Variants in PTPN14 observed in about 807,000 individuals in gnomAD.
PTPN14 encodes tyrosine-protein phosphatase non-receptor type 14.
In PTPN14, 53 loss-of-function variants were observed where a neutral mutation model predicts 126.8. The observed-to-expected ratio is 0.42, with a 90% CI of 0.34 to 0.53. PTPN14 has a LOEUF of 0.53. PTPN14 is among the 20% of genes least tolerant of loss of function. PTPN14 has a pLI of 0.08. For missense variants in PTPN14, 1,257 were observed against 1,552.9 expected (o/e 0.81, Z 3.20); for synonymous variants, 630 against 599.3 (o/e 1.05, Z -0.75).
At chr1:214,469,658 T>C (rs1660710361) in intron 1 of PTPN14, among the ~76,000 whole-genome samples, 1 of 149,942 alleles carries the variant, frequency 6.7e-6, no homozygotes, top group Non-Finnish European at 1.5e-5. Flanking sequence ...ATATTTACTG[T>C]AATTTTTTTT....
chr1:214,544,845 A>G (rs540037043), intron 1 of PTPN14, among the ~76,000 whole-genome samples: 2 of 151,794 alleles, frequency 1.3e-5, no homozygotes, highest in African/African-American at 2.4e-5. Context: ...AGAGGAGGGA[A>G]GAGGAGGTGA....
chr1:214,490,851 A>G (rs1430693392), intron 1 of PTPN14, among the ~76,000 whole-genome samples: 3 of 38,096 alleles, frequency 7.9e-5, no homozygotes, highest in African/African-American at 1.2e-4. Context: ...AAAGGAAAGG[A>G]AGGGAAGGGA....
At chr1:214,395,257 T>C (rs897079249) in intron 8 of PTPN14, among the ~76,000 whole-genome samples, 2 of 152,162 alleles carry the variant, frequency 1.3e-5, no homozygotes, top group Non-Finnish European at 2.9e-5. Flanking sequence ...GCAAGGGACT[T>C]TTACTTCTCC....
chr1:214,438,346 G>T (rs1004549689), intron 3 of PTPN14, among the ~76,000 whole-genome samples: 4 of 152,164 alleles, frequency 2.6e-5, no homozygotes, highest in South Asian at 2.1e-4. Flanking sequence ...GCACCAGGCC[G>T]CGTCCTCTGC....
At position 214,369,690 on chromosome 1, in the gene PTPN14, T is replaced by A. The variant is rs775509122; in HGVS notation, c.3038A>T (p.Glu1013Val). The change falls in exon 17 of 19, where the codon GAG becomes GTG. Residue 1013 changes from glutamate to valine, a missense_variant and splice_region_variant. Glu to Val is a moderately radical substitution (Grantham distance 121). Transcript: ENST00000366956. ...NVIAMVTAEEEGGRTKSHRYW... is the reference protein window; with the variant it reads ...NVIAMVTAEEVGGRTKSHRYW... ...TCGGTGGCTTTTGGTTCGTCCACCC[T>A]CCTAAATCACATATAAAAGCAAAAT... 6.2e-7 allele frequency: 1 copy of A among 1,613,448 alleles called. No individual in the cohort carries two copies. Among genetic ancestry groups the A allele is most frequent in the South Asian group, 1.1e-5 (1 of 91,066 alleles).
intron 1 of PTPN14, among the ~76,000 whole-genome samples, chr1:214,499,480 C>T (rs556574587): frequency 6.6e-6 from 1 of 152,156 alleles, no homozygotes; most frequent in South Asian, 2.1e-4. Context: ...AGGAGGCTGC[C>T]GAGCAGGAGT....
chr1:214,489,209 A>T (rs990740347), intron 1 of PTPN14, among the ~76,000 whole-genome samples: 9 of 152,208 alleles, frequency 5.9e-5, no homozygotes, highest in Non-Finnish European at 1.2e-4. Flanking sequence ...TTTGGCCCTC[A>T]TAACAGTACT....
chr1:214,523,210 G>A (rs188171299), intron 1 of PTPN14, among the ~76,000 whole-genome samples: 15 of 152,128 alleles, frequency 9.9e-5, no homozygotes, highest in African/African-American at 1.4e-4. Context: ...ACAGTCTCTC[G>A]CAGAAACACA....
intron 3 of PTPN14, among the ~76,000 whole-genome samples, chr1:214,423,267 C>A (rs1029266657): frequency 1.3e-5 from 2 of 152,110 alleles, no homozygotes; most frequent in East Asian, 1.9e-4. Context: ...TTGGAGGCTG[C>A]GGTGAGTTGT....
At chr1:214,427,607 A>C (rs573719204) in intron 3 of PTPN14, among the ~76,000 whole-genome samples, 2 of 152,330 alleles carry the variant, frequency 1.3e-5, no homozygotes, top group Non-Finnish European at 2.9e-5. Flanking sequence ...TGAACAAAAC[A>C]AACCCATTCT....
chr1:214,407,510 A>G (rs1489433569), intron 5 of PTPN14, among the ~76,000 whole-genome samples: 1 of 151,964 alleles, frequency 6.6e-6, no homozygotes, highest in Non-Finnish European at 1.5e-5. Flanking sequence ...AAAAAAAAAA[A>G]GAATGAATGG....
intron 16 of PTPN14, among the ~76,000 whole-genome samples, chr1:214,371,353 C>A (rs1658213649): frequency 6.6e-6 from 1 of 152,210 alleles, no homozygotes; most frequent in African/African-American, 2.4e-5. Flanking sequence ...GAGCCTGGAG[C>A]TCAGGGTTGC....
intron 3 of PTPN14, among the ~76,000 whole-genome samples, chr1:214,440,757 G>A (rs758334446): frequency 6.6e-6 from 1 of 152,176 alleles, no homozygotes; most frequent in Non-Finnish European, 1.5e-5. Flanking sequence ...CGGCAGTCAG[G>A]ACCTAAATAC....
intron 3 of PTPN14, among the ~76,000 whole-genome samples, chr1:214,432,893 C>T (rs1279648536): frequency 6.6e-6 from 1 of 152,078 alleles, no homozygotes; most frequent in African/African-American, 2.4e-5. Context: ...GGTGTGTTCA[C>T]TTTACAAAGA....
intron 18 of PTPN14, among the ~76,000 whole-genome samples, chr1:214,363,536 G>T (rs1012148524): frequency 6.6e-6 from 1 of 152,094 alleles, no homozygotes; most frequent in Admixed American, 6.5e-5. Flanking sequence ...TGAAAACTGA[G>T]TAAGAACCAA....
intron 7 of PTPN14, among the ~76,000 whole-genome samples, chr1:214,398,391 C>T (rs1658935588): frequency 6.6e-6 from 1 of 152,140 alleles, no homozygotes; most frequent in South Asian, 2.1e-4. Flanking sequence ...GACAGGAGGA[C>T]TAAGTTCAAG....
intron 1 of PTPN14, among the ~76,000 whole-genome samples, chr1:214,500,580 T>C (rs1205768817): frequency 6.6e-6 from 1 of 151,864 alleles, no homozygotes; most frequent in African/African-American, 2.4e-5. Flanking sequence ...AGTGCTGAGA[T>C]TTCTCTCAAG....
At chr1:214,507,125 T>A (rs535446269) in intron 1 of PTPN14, among the ~76,000 whole-genome samples, 1 of 152,306 alleles carries the variant, frequency 6.6e-6, no homozygotes, top group East Asian at 1.9e-4. Context: ...AAAAAAAACT[T>A]CACAGTTCCA....
intron 3 of PTPN14, among the ~76,000 whole-genome samples, chr1:214,442,087 G>A (rs780990822): frequency 1.3e-5 from 2 of 152,152 alleles, no homozygotes; most frequent in Non-Finnish European, 2.9e-5. Context: ...GTTTGCTTTT[G>A]AGAAAAGTTC....
Sources: gnomAD v4.1 joint callset for allele counts (sites outside exome capture counted in the v4.1 genomes callset) on GRCh38, gnomAD v4.1.1 for gene constraint, MANE v1.5 for transcripts, NCBI Gene and HGNC (gene_info 2026-07-23, HGNC 2026-07-21) for gene names.